Variants in OSBPL9 observed in about 807,000 individuals in gnomAD.
The protein encoded by OSBPL9 is oxysterol-binding protein-related protein 9.
In OSBPL9, 40 loss-of-function variants were observed where a neutral mutation model predicts 106.6. The observed-to-expected ratio is 0.38, with a 90% CI of 0.29 to 0.49. OSBPL9 has a LOEUF of 0.49. Ranked by LOEUF, OSBPL9 falls within the 20% of genes least tolerant of loss-of-function variation. The pLI, the probability that OSBPL9 is intolerant of heterozygous loss-of-function variation, is 0.97. For missense variants in OSBPL9, 609 were observed against 887.2 expected, an observed-to-expected ratio of 0.69 and a Z score of 3.98; for synonymous variants, 269 against 295.4, an observed-to-expected ratio of 0.91 and a Z score of 0.92.
rs762002642 is a variant in OSBPL9 at position 51,788,444 on chromosome 1, A to AAT, written c.*656_*657dup. On this transcript the variant is annotated 3_prime_UTR_variant, in exon 24 of 24. Transcript: ENST00000428468. ...CTTAGTGCTTAAGGCTTCATAAAGTAATTTTTCCAACCTTTTTTTTAAAAA... is the reference window on the plus strand; with the variant it reads ...CTTAGTGCTTAAGGCTTCATAAAGTAATATTTTTCCAACCTTTTTTTTAAAAA... 1.3e-5 allele frequency: 2 copies of AAT among 152,642 alleles called. No individual in the cohort carries two copies. The highest frequency in any genetic ancestry group is 2.9e-5 in the Non-Finnish European group (2 of 68,040). The allele number at this position is 152,642 out of a possible 1,614,324, so 9.5% of individuals were successfully genotyped here. A position where few individuals can be genotyped will look rare whatever the true frequency, so the allele number is the denominator to read the frequency against.
intron 12 of OSBPL9, among the ~76,000 whole-genome samples, chr1:51,770,803 C>A (rs565687965): frequency 6.6e-6 from 1 of 152,066 alleles, no homozygotes; most frequent in African/African-American, 2.4e-5. Context: ...TTTAGAATAT[C>A]CTAATATTCT....
At chr1:51,520,585 A>C in the OSBPL9 span, among the ~76,000 whole-genome samples, 1 of 152,188 alleles carries the variant, frequency 6.6e-6, no homozygotes, top group African/African-American at 2.4e-5. Flanking sequence ...ATTTGCCCGA[A>C]TTGGTCTTAA....
intron 11 of OSBPL9, among the ~76,000 whole-genome samples, chr1:51,762,317 C>T (rs546158901): frequency 6.6e-6 from 1 of 152,202 alleles, no homozygotes; most frequent in East Asian, 1.9e-4. Context: ...CAGGCACACA[C>T]ACCACACTTG....
intron 4 of OSBPL9, among the ~76,000 whole-genome samples, chr1:51,727,601 A>C (rs1322167881): frequency 1.3e-5 from 2 of 152,204 alleles, no homozygotes; most frequent in African/African-American, 4.8e-5. Context: ...AAAATACTTT[A>C]TTTCTTAATC....
chr1:51,742,940 A>G lies in OSBPL9; in HGVS notation c.319-2596A>G, dbSNP rs118024454. On this transcript the variant is annotated intron_variant, in intron 4 of 23. Transcript: ENST00000428468. ...AGATGACTTTCAAAGATGTTATGAA[A>G]AGAACTTCTGTGAATGGGAGGTTGA... is the stretch of plus-strand genomic sequence containing the variant. 4.1e-4 allele frequency among the ~76,000 whole-genome samples: 62 copies of G among 152,268 alleles called. 1 individual carries two copies. The East Asian group carries it at 0.012, about 28-fold the overall frequency.
chr1:51,524,120 G>A, the OSBPL9 span, among the ~76,000 whole-genome samples: 4 of 152,168 alleles, frequency 2.6e-5, no homozygotes, highest in Non-Finnish European at 5.9e-5. Flanking sequence ...ATCATTGTTC[G>A]CGTTTGCCCA....
chr1:51,604,652 T>C (rs1024057336), intron 2 of OSBPL9, among the ~76,000 whole-genome samples: 4 of 152,058 alleles, frequency 2.6e-5, no homozygotes, highest in Non-Finnish European at 4.4e-5. Flanking sequence ...GCTAGCTTCA[T>C]GGTTTCTTTG....
At chr1:51,634,761 T>G (rs1645317443) in intron 1 of OSBPL9, among the ~76,000 whole-genome samples, 1 of 152,146 alleles carries the variant, frequency 6.6e-6, no homozygotes, top group Non-Finnish European at 1.5e-5. Flanking sequence ...CTGGGTAATC[T>G]ATAAAGAAAA....
rs1056774169 is a variant in OSBPL9, at chr1:51,787,485, A to G, written c.2133A>G (p.Thr711=). The G allele has an allele frequency of 6.2e-7, 1 of 1,613,940 alleles. No individual in the cohort carries two copies. Among genetic ancestry groups the G allele is most frequent in the Non-Finnish European group, 8.5e-7 (1 of 1,179,870 alleles). ...ERKEKEIQWE[T]RLFHEDGECW... Reference sequence around the variant, plus strand: ...AGGAGAAGGAAATTCAGTGGGAGACAAGGGTAAGCTTGCCTGCCCCACCCT... The same window carrying G: ...AGGAGAAGGAAATTCAGTGGGAGACGAGGGTAAGCTTGCCTGCCCCACCCT... The change falls in exon 23 of 24, where the codon ACA becomes ACG. Residue 711 remains threonine (T), a synonymous_variant. Coordinates refer to ENST00000428468, the MANE Select transcript of OSBPL9 (RefSeq NM_024586.6).
upstream of OSBPL9, among the ~76,000 whole-genome samples, chr1:51,575,908 C>G (rs1263712569): frequency 6.6e-6 from 1 of 152,158 alleles, no homozygotes; most frequent in Non-Finnish European, 1.5e-5. Context: ...TATAAACAAA[C>G]TTTGTTAAAC....
At chr1:51,684,848 TA>T (rs144098626) in intron 3 of OSBPL9, among the ~76,000 whole-genome samples, 1,797 of 151,954 alleles carry the variant, frequency 0.012, 34 homozygotes, top group African/African-American at 0.042. Context: ...AAACAGTTTT[TA>T]AAAAAGAATG....
intron 1 of OSBPL9, among the ~76,000 whole-genome samples, chr1:51,628,038 C>T (rs1644873615): frequency 6.6e-6 from 1 of 151,058 alleles, no homozygotes; most frequent in Non-Finnish European, 1.5e-5. Flanking sequence ...TACCACTGTA[C>T]TAATGAAGGC....
chr1:51,719,444 TC>T (rs1661658525), intron 4 of OSBPL9, among the ~76,000 whole-genome samples: 1 of 151,862 alleles, frequency 6.6e-6, no homozygotes, highest in Non-Finnish European at 1.5e-5. Context: ...CTTTTCAGAT[TC>T]TTTTTTTTTT....
intron 14 of OSBPL9, among the ~76,000 whole-genome samples, chr1:51,775,373 T>G (rs1479320051): frequency 1.3e-5 from 2 of 152,060 alleles, no homozygotes; most frequent in Non-Finnish European, 2.9e-5. Flanking sequence ...TGTCTTGTTC[T>G]TTTATCACAG....
At chr1:51,784,185 G>T in intron 18 of OSBPL9, 79 bp from the exon 19 acceptor site, 2 of 1,490,408 alleles carry the variant, frequency 1.3e-6, no homozygotes, top group South Asian at 1.1e-5. Context: ...GAGTATCCTG[G>T]AGTAACCATC....
the OSBPL9 span, among the ~76,000 whole-genome samples, chr1:51,547,203 T>G: frequency 6.6e-6 from 1 of 152,240 alleles, no homozygotes; most frequent in African/African-American, 2.4e-5. Context: ...TTAAAATATT[T>G]ATTGTGTGCT....
chr1:51,682,382 C>T (rs535167709), intron 3 of OSBPL9, among the ~76,000 whole-genome samples: 192 of 152,274 alleles, frequency 1.3e-3, no homozygotes, highest in African/African-American at 4.3e-3. Context: ...ACGCACTCCC[C>T]GCATTCACTC....
At chr1:51,639,631 T>A (rs1199470467) in intron 1 of OSBPL9, among the ~76,000 whole-genome samples, 2 of 152,124 alleles carry the variant, frequency 1.3e-5, no homozygotes, top group African/African-American at 2.4e-5. Context: ...TTAAGAAAAG[T>A]AATATGGCAT....
At chr1:51,616,003 G>GTTTTTTT (rs764823727), upstream of OSBPL9, among the ~76,000 whole-genome samples, 76 of 104,488 alleles carry the variant, frequency 7.3e-4, no homozygotes, top group African/African-American at 1.2e-3. Flanking sequence ...AAATCCTTTG[G>GTTTTTTT]TTTTTTTTTT....
Sources: allele counts gnomAD v4.1 joint callset (sites outside exome capture counted in the v4.1 genomes callset), GRCh38; gene constraint gnomAD v4.1.1; transcripts MANE v1.5; gene names NCBI Gene and HGNC (gene_info 2026-07-23, HGNC 2026-07-21).